The following POLE4 variants were observed in gnomAD, a reference collection of about 807,000 sequenced individuals.
POLE4 encodes the protein DNA polymerase epsilon subunit 4.
Under a neutral mutation model 15.6 loss-of-function variants are expected in POLE4, and 15 were observed. The observed-to-expected ratio is 0.96, with a 90% confidence interval of 0.64 to 1.48. The LOEUF (loss-of-function observed/expected upper bound fraction) is 1.48, where lower values mean the gene tolerates loss of function less well. Among genes scored for constraint, POLE4 ranks in the 40% most tolerant of loss-of-function variants. The probability of loss-of-function intolerance (pLI) is 0.00; values close to 1 mark genes in which losing one functional copy is unlikely to be tolerated. For missense variants in POLE4, 205 were observed against 151.9 expected, an observed-to-expected ratio of 1.35 and a Z score of -1.84; for synonymous variants, 83 against 63.2, an observed-to-expected ratio of 1.31 and a Z score of -1.49.
At chr2:74,961,335 C>T (rs1671218345) in intron 3 of POLE4, 1 of 152,156 alleles carries the variant, frequency 6.6e-6, no homozygotes, top group Non-Finnish European at 1.5e-5. Context: ...ACTACCATGG[C>T]CAACTCTATG....
At chr2:74,958,940 G>A in intron 1 of POLE4, 48 bp downstream of exon 1, 1 of 1,513,090 alleles carries the variant, frequency 6.6e-7, no homozygotes, top group Non-Finnish European at 8.9e-7. Context: ...GGTGGAGTGT[G>A]GGGCGGGGCC....
chr2:74,959,238 C>T, intron 1 of POLE4, 103 bp from the exon 2 acceptor site: 1 of 700,730 alleles, frequency 1.4e-6, no homozygotes. Context: ...TTTTCTTGCC[C>T]CGAGCCTTTC....
rs1432724489 is a variant in POLE4, at chr2:74,958,655, C to A, written c.-25C>A. 9 of 1,400,068 alleles carry A rather than the reference C, an allele frequency of 6.4e-6. No individual in the cohort carries two copies. The highest frequency in any genetic ancestry group is 9.2e-7 in the Non-Finnish European group (1 of 1,083,456). The allele number at this position is 1,400,068 out of a possible 1,614,324, so 86.7% of individuals were successfully genotyped here. A position where few individuals can be genotyped will look rare whatever the true frequency, so the allele number is the denominator to read the frequency against. The stretch of plus-strand genomic sequence containing the variant: ...CGCATGCGCGCGCACAGTCGGCGGC[C>A]GCGCGCAGCACGCTCAAGGCCGGGA... On this transcript the variant is annotated 5_prime_UTR_variant, in exon 1 of 4. Transcript: ENST00000483063.
chr2:74,969,128 C>T (rs1422209389), intron 3 of POLE4, among the ~76,000 whole-genome samples: 1 of 152,054 alleles, frequency 6.6e-6, no homozygotes, highest in Non-Finnish European at 1.5e-5. Flanking sequence ...CTTATATGGT[C>T]TTCATCAATG....
chr2:74,969,293 G>T, intron 3 of POLE4, 116 bp from the exon 4 acceptor site: 1 of 895,958 alleles, frequency 1.1e-6, no homozygotes, highest in Non-Finnish European at 1.9e-6. Context: ...TAGTATTTTG[G>T]TCTTAGAGAA....
intron 3 of POLE4, chr2:74,961,197 C>T (rs1671216146): frequency 1.3e-5 from 2 of 152,184 alleles, no homozygotes; most frequent in Non-Finnish European, 1.5e-5. Flanking sequence ...CTCCTTCAAG[C>T]CTTATTACCT....
intron 2 of POLE4, 83 bp from the exon 3 acceptor site, chr2:74,960,022 C>A (rs1300522137): frequency 3.1e-5 from 35 of 1,144,290 alleles, no homozygotes; most frequent in Non-Finnish European, 1.3e-6. Flanking sequence ...AAGCCTCATG[C>A]CCTTCACTGC....
intron 1 of POLE4, 95 bp downstream of exon 1, chr2:74,958,987 GC>G: frequency 8.2e-7 from 1 of 1,224,338 alleles, no homozygotes; most frequent in Non-Finnish European, 1.1e-6. Context: ...GGGCGGCGTG[GC>G]CCGGGTTTTG....
chr2:74,959,107 T>G (rs1447594345), intron 1 of POLE4: 8 of 610,128 alleles, frequency 1.3e-5, no homozygotes, highest in Non-Finnish European at 2.3e-5. Flanking sequence ...TGACTTTAAT[T>G]TGTATCTCCA....
chr2:74,963,462 C>T, intron 3 of POLE4, among the ~76,000 whole-genome samples: 1 of 151,448 alleles, frequency 6.6e-6, no homozygotes, highest in Admixed American at 6.6e-5. Context: ...TGTCCTTTTT[C>T]TTATTGACTT....
chr2:74,967,070 T>C (rs1671307517), intron 3 of POLE4, among the ~76,000 whole-genome samples: 1 of 152,188 alleles, frequency 6.6e-6, no homozygotes, highest in Admixed American at 6.5e-5. Flanking sequence ...TGGATTTCTT[T>C]TTATGTAGTT....
rs879118859 is a variant in POLE4 at position 74,958,758 on chromosome 2, C to T, written c.79C>T (p.Pro27Ser). The T allele has an allele frequency of 3.2e-6, 5 of 1,538,792 alleles. No individual in the cohort carries two copies. The highest frequency in any genetic ancestry group is 4.4e-6 in the Non-Finnish European group (5 of 1,141,846). ...TGCTGGGGAGGCAGCGGCCTCGCAG[C>T]CCCAGGCCCCAACGAGTGTGCCTGG... ...GPAGEAAASQ[P>S]QAPTSVPGAR... Residue 27 changes from proline (P) to serine (S), a missense_variant, in exon 1 of 4, where the codon CCC becomes TCC. Transcript: ENST00000483063.
intron 3 of POLE4, 55 bp from the exon 4 acceptor site, chr2:74,969,354 C>T: frequency 6.4e-7 from 1 of 1,561,030 alleles, no homozygotes. Flanking sequence ...CAGCTTGTTA[C>T]ACTAATCCAG....
Position 74,970,096 on chromosome 2 carries a change from T to TTTTA in POLE4, c.*689_*692dup, listed in dbSNP as rs890037226. 27 of 151,780 alleles carry TTTTA rather than the reference T, an allele frequency of 1.8e-4. No homozygotes were observed. Among genetic ancestry groups the TTTTA allele is most frequent in the African/African-American group, 6.3e-4 (26 of 41,434 alleles). 9.4% of individuals were successfully genotyped at this position (151,780 alleles called of 1,614,324 possible). Reference sequence around the variant, plus strand: ...AGTCATCACAGTCGATTTTAGAACATTTTATTTATTTATTTATTATTATTA... The same window carrying TTTTA: ...AGTCATCACAGTCGATTTTAGAACATTTTATTTATTTATTTATTTATTATTATTA... On this transcript the variant is annotated 3_prime_UTR_variant, in exon 4 of 4. Transcript: ENST00000483063.
intron 3 of POLE4, among the ~76,000 whole-genome samples, chr2:74,965,455 T>C (rs1024022698): frequency 4.6e-5 from 7 of 152,310 alleles, no homozygotes; most frequent in African/African-American, 1.7e-4. Flanking sequence ...AATTATTTTG[T>C]TTTTGAATAT....
chr2:74,959,109 G>T, intron 1 of POLE4: 1 of 609,720 alleles, frequency 1.6e-6, no homozygotes, highest in South Asian at 2.0e-5. Context: ...ACTTTAATTT[G>T]TATCTCCAGG....
At chr2:74,959,670 A>G (rs1350330000) in intron 2 of POLE4, 3 of 445,184 alleles carry the variant, frequency 6.7e-6, no homozygotes, top group South Asian at 8.2e-5. Flanking sequence ...CCTTCTGCCA[A>G]ATTGCACCAG....
At chr2:74,960,328 A>C in intron 3 of POLE4, 182 bp downstream of exon 3, 1 of 607,502 alleles carries the variant, frequency 1.6e-6, no homozygotes, top group Non-Finnish European at 3.0e-6. Flanking sequence ...TCCCTTGGGG[A>C]ATTAAAATTT....
At position 74,969,502 on chromosome 2, in the gene POLE4, C is replaced by T. The variant is rs954117244; in HGVS notation, c.*80C>T. The T allele has an allele frequency of 9.8e-6, 13 of 1,322,712 alleles. No homozygotes were observed. The highest frequency in any genetic ancestry group is 3.5e-5 in the South Asian group (3 of 85,250). 81.9% of individuals were successfully genotyped at this position (1,322,712 alleles called of 1,614,324 possible). A position where few individuals can be genotyped will look rare whatever the true frequency, so the allele number is the denominator to read the frequency against. On this transcript the variant is annotated 3_prime_UTR_variant, in exon 4 of 4. Coordinates refer to ENST00000483063, the MANE Select transcript of POLE4 (RefSeq NM_019896.4). ...CTGCACAGGCCTCAGCTTTGAAGAACGGAGTCTTTGCACTTACACACACTC... is the reference window on the plus strand; with the variant it reads ...CTGCACAGGCCTCAGCTTTGAAGAATGGAGTCTTTGCACTTACACACACTC...
Sources: gnomAD v4.1 joint callset for allele counts (sites outside exome capture counted in the v4.1 genomes callset) on GRCh38, gnomAD v4.1.1 for gene constraint, MANE v1.5 for transcripts, NCBI Gene and HGNC (gene_info 2026-07-23, HGNC 2026-07-21) for gene names.